Variants in MFAP3L observed in about 807,000 individuals in gnomAD.
The protein encoded by MFAP3L is microfibrillar-associated protein 3-like.
A neutral mutation model predicts 20.0 loss-of-function variants in MFAP3L; 5 were observed. The observed-to-expected ratio is 0.25, with a 90% CI of 0.13 to 0.53. MFAP3L has a LOEUF of 0.53. Among genes scored for constraint, MFAP3L ranks in the 20% least tolerant of loss-of-function variants. The pLI, the probability that MFAP3L is intolerant of heterozygous loss-of-function variation, is 0.96. For missense variants in MFAP3L, 409 were observed against 527.5 expected (o/e 0.78, Z 2.20); for synonymous variants, 219 against 213.0 (o/e 1.03, Z -0.25).
chr4:170,011,155 C>G (rs1000396160), intron 1 of MFAP3L, among the ~76,000 whole-genome samples: 1 of 152,142 alleles, frequency 6.6e-6, no homozygotes, highest in Non-Finnish European at 1.5e-5. Context: ...TGAGGCCTCC[C>G]CAGCCATGTG....
At chr4:169,998,658 G>A (rs1329283610) in intron 2 of MFAP3L, among the ~76,000 whole-genome samples, 1 of 152,146 alleles carries the variant, frequency 6.6e-6, no homozygotes, top group African/African-American at 2.4e-5. Flanking sequence ...ATGAATGCGT[G>A]TGTGTAAACA....
At chr4:170,001,716 G>A (rs62347054) in intron 2 of MFAP3L, among the ~76,000 whole-genome samples, 5,493 of 152,214 alleles carry the variant, frequency 0.036, 140 homozygotes, top group Non-Finnish European at 0.055. Context: ...AGTATATTTC[G>A]TGGCCATTTG....
chr4:169,994,854 T>G lies in MFAP3L; in HGVS notation c.299-2545A>C, dbSNP rs1026853553. 2.0e-5 allele frequency: 3 copies of G among 152,248 alleles called. No individual in the cohort carries two copies. In the East Asian group the frequency reaches 5.8e-4, roughly 29 times the overall value. The allele number at this position is 152,248 out of a possible 1,614,324, so 9.4% of individuals were successfully genotyped here. On this transcript the variant is annotated intron_variant, in intron 2 of 2. Coordinates refer to ENST00000361618, the MANE Select transcript of MFAP3L (RefSeq NM_021647.8). Reference sequence around the variant, plus strand: ...CATATACTTTATCCAATATTTAATTTTATTTGTTCTGAAAGTTTTAAGCCC... The same window carrying G: ...CATATACTTTATCCAATATTTAATTGTATTTGTTCTGAAAGTTTTAAGCCC...
Position 169,991,323 on chromosome 4 carries a change from A to G in MFAP3L, c.*55T>C. 6.5e-7 allele frequency: 1 copy of G among 1,547,096 alleles called. No homozygotes were observed. The highest frequency in any genetic ancestry group is 8.8e-7 in the Non-Finnish European group (1 of 1,140,318). ...AGCGGCAAGTGCGTACTACATCTGTATTACAAGGAGCAGCCCCTGATTTTC... is the reference window on the plus strand; with the variant it reads ...AGCGGCAAGTGCGTACTACATCTGTGTTACAAGGAGCAGCCCCTGATTTTC... On this transcript the variant is annotated 3_prime_UTR_variant, in exon 3 of 3. Coordinates refer to ENST00000361618, the MANE Select transcript of MFAP3L (RefSeq NM_021647.8). The surrounding 1 kb of genome is among the most constrained non-coding windows in gnomAD (Gnocchi z 4.9).
intron 1 of MFAP3L, among the ~76,000 whole-genome samples, chr4:170,008,736 T>C (rs1361587106): frequency 6.6e-6 from 1 of 152,170 alleles, no homozygotes; most frequent in Non-Finnish European, 1.5e-5. Context: ...CTAGTCCTTC[T>C]CATCACCCCA....
chr4:170,007,883 G>A (rs1197584506), intron 1 of MFAP3L, among the ~76,000 whole-genome samples: 1 of 152,102 alleles, frequency 6.6e-6, no homozygotes, highest in African/African-American at 2.4e-5. Context: ...TGGGAGATGG[G>A]TTCTAATAAA....
At chr4:169,994,591 T>C (rs1171220987) in intron 2 of MFAP3L, 2 of 950,668 alleles carry the variant, frequency 2.1e-6, no homozygotes, top group African/African-American at 1.8e-5. Flanking sequence ...TGTGTATTGA[T>C]ATGTATTTCT....
At chr4:170,006,182 G>A (rs991323364) in intron 1 of MFAP3L, among the ~76,000 whole-genome samples, 172 bp from the exon 2 acceptor site, 8 of 150,166 alleles carry the variant, frequency 5.3e-5, no homozygotes, top group African/African-American at 2.0e-4. Context: ...GGGCGATCTT[G>A]GCTCACTGCA....
intron 2 of MFAP3L, 124 bp downstream of exon 2, chr4:170,005,456 T>C: frequency 1.8e-6 from 2 of 1,139,266 alleles, no homozygotes; most frequent in East Asian, 4.7e-5. Flanking sequence ...TCTCCTGCCT[T>C]AGAAAAACAA....
chr4:169,997,430 A>AAC (rs1386120280), intron 2 of MFAP3L, among the ~76,000 whole-genome samples: 1 of 152,174 alleles, frequency 6.6e-6, no homozygotes, highest in Non-Finnish European at 1.5e-5. Flanking sequence ...ACAAATACTT[A>AAC]ATGACTCTAA....
At chr4:170,022,621 C>T (rs1740105745) in intron 1 of MFAP3L, among the ~76,000 whole-genome samples, 1 of 152,172 alleles carries the variant, frequency 6.6e-6, no homozygotes, top group African/African-American at 2.4e-5. Context: ...GAAGTTCAAA[C>T]AGGTCTTAAC....
intron 1 of MFAP3L, 105 bp from the exon 2 acceptor site, chr4:170,006,115 C>CCT: frequency 1.7e-6 from 1 of 605,318 alleles, no homozygotes. Flanking sequence ...CATCAACATA[C>CCT]TTTTTTTTTT....
At chr4:170,000,855 A>C (rs1738563952) in intron 2 of MFAP3L, among the ~76,000 whole-genome samples, 1 of 151,992 alleles carries the variant, frequency 6.6e-6, no homozygotes, top group African/African-American at 2.4e-5. Flanking sequence ...CCCCAGTAGC[A>C]GGGACTACAG....
intron 2 of MFAP3L, among the ~76,000 whole-genome samples, chr4:170,000,827 A>G (rs998512345): frequency 6.6e-6 from 1 of 152,084 alleles, no homozygotes; most frequent in Non-Finnish European, 1.5e-5. Context: ...GGCTCATGCA[A>G]TCGTCCCACC....
chr4:170,005,561 A>G lies in MFAP3L; in HGVS notation c.298+19T>C. ...TGTTTATATTTTATTATGACATTTGATACAACTTTAAAGCCTACCTCCTCC... is the reference window on the plus strand; with the variant it reads ...TGTTTATATTTTATTATGACATTTGGTACAACTTTAAAGCCTACCTCCTCC... On this transcript the variant is annotated intron_variant, in intron 2 of 2. Coordinates refer to ENST00000361618, the MANE Select transcript of MFAP3L (RefSeq NM_021647.8). 1 of 1,607,678 alleles carries G rather than the reference A, an allele frequency of 6.2e-7. No homozygotes were observed.
At position 169,987,130 on chromosome 4, in the gene MFAP3L, A is replaced by T. The variant is rs546807582; in HGVS notation, c.*4248T>A. The T allele has an allele frequency of 6.6e-6, 1 of 152,304 alleles. No individual in the cohort carries two copies. The highest frequency in any genetic ancestry group is 2.1e-4 in the South Asian group (1 of 4,824). 9.4% of individuals were successfully genotyped at this position (152,304 alleles called of 1,614,324 possible). On this transcript the variant is annotated 3_prime_UTR_variant, in exon 3 of 3. Coordinates refer to ENST00000361618, the MANE Select transcript of MFAP3L (RefSeq NM_021647.8). ...GCTCAGTCCTTTGGAAAATATAATA[A>T]GCAATTGTTTTATTTGATTTTTCCC...
chr4:170,018,818 C>T (rs954982384), intron 1 of MFAP3L, among the ~76,000 whole-genome samples: 17 of 152,186 alleles, frequency 1.1e-4, no homozygotes, highest in African/African-American at 3.6e-4. Flanking sequence ...TTCCCGCCAA[C>T]GTAGGGCTGC....
chr4:170,010,913 T>C (rs1739339994), intron 1 of MFAP3L, among the ~76,000 whole-genome samples: 1 of 152,208 alleles, frequency 6.6e-6, no homozygotes, highest in African/African-American at 2.4e-5. Flanking sequence ...ATGGTTTGGC[T>C]GTGTTCCCAC....
Position 170,005,754 on chromosome 4 carries a change from C to T in MFAP3L, c.124G>A (p.Val42Ile). 6.2e-7 allele frequency: 1 copy of T among 1,614,202 alleles called. No homozygotes were observed. Among genetic ancestry groups the T allele is most frequent in the South Asian group, 1.1e-5 (1 of 91,084 alleles). The change falls in exon 2 of 3, where the codon GTC becomes ATC. Residue 42 changes from valine (V) to isoleucine (I), a missense_variant. Coordinates refer to ENST00000361618, the MANE Select transcript of MFAP3L (RefSeq NM_021647.8). ...ATGATTACGGGCACAGAGCCCAAGA[C>T]CACGTTAGTGCCATTTAAAGTGCTG... is the stretch of plus-strand genomic sequence containing the variant. Reference protein sequence around the residue: ...TNSTLNGTNVVLGSVPVIIAR... With the variant: ...TNSTLNGTNVILGSVPVIIAR...
Sources: gnomAD v4.1 joint callset for allele counts (sites outside exome capture counted in the v4.1 genomes callset) on GRCh38, gnomAD v4.1.1 for gene constraint, Gnocchi (gnomAD v3.1) non-coding constraint, MANE v1.5 for transcripts, NCBI Gene and HGNC (gene_info 2026-07-23, HGNC 2026-07-21) for gene names.